The following REDIC1 variants were observed in gnomAD, a reference collection of about 807,000 sequenced individuals.
REDIC1 encodes the protein HEI10 Interacting Protein 1.
At chr12:39,769,399 T>C in the REDIC1 span, among the ~76,000 whole-genome samples, 1 of 152,108 alleles carries the variant, frequency 6.6e-6, no homozygotes, top group Admixed American at 6.6e-5. Context: ...CATTTGAATC[T>C]GAAGAACAGA....
At chr12:39,665,359 G>A in the REDIC1 span, among the ~76,000 whole-genome samples, 2 of 152,072 alleles carry the variant, frequency 1.3e-5, no homozygotes, top group East Asian at 1.9e-4. Context: ...TTTTTGTCAG[G>A]TTTGTCAAAG....
the REDIC1 span, among the ~76,000 whole-genome samples, chr12:39,877,737 G>A: frequency 1.3e-5 from 2 of 152,132 alleles, no homozygotes; most frequent in African/African-American, 4.8e-5. Context: ...TTTAAGTGAT[G>A]GGTTACCACT....
chr12:39,643,999 G>T, the REDIC1 span: 2 of 1,139,978 alleles, frequency 1.8e-6, no homozygotes, highest in African/African-American at 3.3e-5. Flanking sequence ...TGTAATTTTT[G>T]AGCTCAAAGC....
the REDIC1 span, among the ~76,000 whole-genome samples, chr12:39,867,695 C>A: frequency 1.3e-5 from 2 of 152,166 alleles, no homozygotes; most frequent in African/African-American, 4.8e-5. Flanking sequence ...TATTTTGGCC[C>A]ATTTTGGAGG....
the REDIC1 span, among the ~76,000 whole-genome samples, chr12:39,679,188 A>G: frequency 6.6e-6 from 1 of 152,208 alleles, no homozygotes; most frequent in African/African-American, 2.4e-5. Flanking sequence ...AATAAAGGGC[A>G]TCCAAATAGA....
chr12:39,800,393 T>C, the REDIC1 span, among the ~76,000 whole-genome samples: 1 of 150,576 alleles, frequency 6.6e-6, no homozygotes, highest in African/African-American at 2.5e-5. Flanking sequence ...TCAAACAAAT[T>C]TACAAGAAAA....
chr12:39,705,818 A>G, the REDIC1 span, among the ~76,000 whole-genome samples: 2 of 152,136 alleles, frequency 1.3e-5, no homozygotes, highest in Admixed American at 6.6e-5. Context: ...ACTCAATATA[A>G]TAACAGCCAT....
chr12:39,721,419 A>G, the REDIC1 span: 3 of 590,810 alleles, frequency 5.1e-6, no homozygotes, highest in East Asian at 5.9e-5. Context: ...TTTTAATATT[A>G]TTAATGTATG....
the REDIC1 span, among the ~76,000 whole-genome samples, chr12:39,886,538 C>A: frequency 3.3e-5 from 5 of 151,648 alleles, no homozygotes; most frequent in Admixed American, 3.3e-4. Flanking sequence ...CAGATCCCAC[C>A]GAGAAGTATT....
chr12:39,905,975 G>A, the REDIC1 span, among the ~76,000 whole-genome samples: 2 of 151,806 alleles, frequency 1.3e-5, no homozygotes, highest in South Asian at 4.1e-4. Flanking sequence ...TCCTAATTTT[G>A]TTTCCCTATT....
At chr12:39,831,779 G>T in the REDIC1 span, among the ~76,000 whole-genome samples, 2 of 151,986 alleles carry the variant, frequency 1.3e-5, no homozygotes, top group African/African-American at 4.8e-5. Flanking sequence ...TCTCTCTCTT[G>T]CTCCCACTTT....
chr12:39,690,938 A>T, the REDIC1 span, among the ~76,000 whole-genome samples: 1 of 152,152 alleles, frequency 6.6e-6, no homozygotes, highest in African/African-American at 2.4e-5. Flanking sequence ...TGGGGTCTAC[A>T]TAGCTTTCTT....
At chr12:39,786,623 G>A in the REDIC1 span, among the ~76,000 whole-genome samples, 191 of 152,264 alleles carry the variant, frequency 1.3e-3, 1 homozygote, top group African/African-American at 4.3e-3. Context: ...GGCTCAGGAT[G>A]GTCAAAGCCA....
At chr12:39,661,232 A>G in the REDIC1 span, among the ~76,000 whole-genome samples, 26 of 152,096 alleles carry the variant, frequency 1.7e-4, no homozygotes, top group Non-Finnish European at 2.4e-4. Flanking sequence ...ATGTCTCCAC[A>G]TTCTTTTCCG....
the REDIC1 span, among the ~76,000 whole-genome samples, chr12:39,801,247 T>A: frequency 1.2e-3 from 162 of 130,306 alleles, no homozygotes; most frequent in African/African-American, 1.6e-3. Context: ...AGAGTATAAT[T>A]AAAAAAAAAA....
the REDIC1 span, among the ~76,000 whole-genome samples, chr12:39,853,769 T>C: frequency 2.6e-5 from 4 of 152,128 alleles, no homozygotes; most frequent in African/African-American, 9.7e-5. Context: ...TCCCATAATC[T>C]ATATCTGTTT....
chr12:39,727,811 T>C, the REDIC1 span, among the ~76,000 whole-genome samples: 1 of 152,246 alleles, frequency 6.6e-6, no homozygotes, highest in Admixed American at 6.5e-5. Flanking sequence ...CATTTGTTTG[T>C]GTCCTCTCTT....
chr12:39,738,585 A>G, the REDIC1 span, among the ~76,000 whole-genome samples: 4 of 152,262 alleles, frequency 2.6e-5, no homozygotes, highest in Non-Finnish European at 5.9e-5. Flanking sequence ...GGAGTCTAAT[A>G]GAAGCATTTG....
At chr12:39,633,937 CT>C in the REDIC1 span, among the ~76,000 whole-genome samples, 1 of 152,228 alleles carries the variant, frequency 6.6e-6, no homozygotes, top group Middle Eastern at 3.4e-3. Flanking sequence ...TCCATTTGAA[CT>C]TTAAAGTAGT....
Sources: allele counts gnomAD v4.1 joint callset (sites outside exome capture counted in the v4.1 genomes callset), GRCh38; gene constraint gnomAD v4.1.1; transcripts MANE v1.5; gene names NCBI Gene and HGNC (gene_info 2026-07-23, HGNC 2026-07-21).